Variants in PAAF1 observed in about 807,000 individuals in gnomAD.
PAAF1 encodes the protein proteasomal ATPase associated factor 1.
A neutral mutation model predicts 52.8 loss-of-function variants in PAAF1; 46 were observed. The observed-to-expected ratio is 0.87, with a 90% CI of 0.69 to 1.11. The LOEUF (loss-of-function observed/expected upper bound fraction) is 1.11. PAAF1 is among the 50% of genes most tolerant of loss of function. The pLI, the probability that PAAF1 is intolerant of heterozygous loss-of-function variation, is 0.00. For missense variants in PAAF1, 424 were observed against 477.4 expected (o/e 0.89, Z 1.04); for synonymous variants, 178 against 172.8 (o/e 1.03, Z -0.24).
intron 6 of PAAF1, among the ~76,000 whole-genome samples, chr11:73,908,750 C>T (rs1949846454): frequency 6.6e-6 from 1 of 151,476 alleles, no homozygotes; most frequent in African/African-American, 2.4e-5. Flanking sequence ...TTTTTTTCCT[C>T]CAAAGTTCTT....
At chr11:73,926,485 G>A (rs1179047038) in intron 11 of PAAF1, among the ~76,000 whole-genome samples, 2 of 152,162 alleles carry the variant, frequency 1.3e-5, no homozygotes, top group Admixed American at 6.5e-5. Flanking sequence ...GAGGGGGTGC[G>A]AATCACGAGG....
chr11:73,876,801 C>A (rs1225914324), upstream of PAAF1: 2 of 413,714 alleles, frequency 4.8e-6, no homozygotes, highest in Admixed American at 4.5e-5. Flanking sequence ...TCCTACGCGG[C>A]GGCTTGGGTT....
intron 3 of PAAF1, chr11:73,889,105 G>A (rs1331843516): frequency 2.7e-6 from 3 of 1,116,294 alleles, no homozygotes; most frequent in African/African-American, 3.1e-5. Context: ...TACCATGCAA[G>A]CCTACGTTTT....
chr11:73,916,551 C>G lies in PAAF1; in HGVS notation c.826C>G (p.Leu276Val). The G allele has an allele frequency of 1.2e-6, 2 of 1,610,404 alleles. No homozygotes were observed. Among genetic ancestry groups the G allele is most frequent in the South Asian group, 2.2e-5 (2 of 90,384 alleles). The change falls in exon 9 of 12, where the codon CTC becomes GTC. Residue 276 changes from leucine to valine, a missense_variant. Transcript: ENST00000310571. ...GCCTCCTACTTGTTCCCAGGTGTTC[C>G]TCTTTATTGGCTCAGACGCTTTCAA... ...LGLQSRQLVF[L>V]FIGSDAFNCC...
At chr11:73,890,987 A>G in intron 3 of PAAF1, 125 bp from the exon 4 acceptor site, 1 of 624,232 alleles carries the variant, frequency 1.6e-6, no homozygotes, top group Non-Finnish European at 2.8e-6. Context: ...GGGAAAGGAG[A>G]ACGAGAGAGG....
At position 73,917,534 on chromosome 11, in the gene PAAF1, G is replaced by T. The variant is rs546692960; in HGVS notation, c.935+874G>T. ...GATATTTATTGAAAATAGCTTCTGT[G>T]GGCATCAGGCTTGGTTCAAGGCACT... On this transcript the variant is annotated intron_variant, in intron 9 of 11. Transcript: ENST00000310571. 7.9e-5 allele frequency among the ~76,000 whole-genome samples: 12 copies of T among 152,208 alleles called. No individual in the cohort carries two copies. The East Asian group carries it at 2.1e-3, about 27-fold the overall frequency.
chr11:73,921,297 C>T (rs1047385368), intron 10 of PAAF1, among the ~76,000 whole-genome samples: 5 of 118,366 alleles, frequency 4.2e-5, no homozygotes, highest in Non-Finnish European at 1.7e-5. Context: ...GAGACTGCCT[C>T]GCAAAAAAAA....
chr11:73,900,195 C>T lies in PAAF1; in HGVS notation c.382-75C>T, dbSNP rs1428686098. On this transcript the variant is annotated intron_variant, in intron 5 of 11. Coordinates refer to ENST00000310571, the MANE Select transcript of PAAF1 (RefSeq NM_025155.3). ...GCATGTAGGTATTTCATATAAGGGACCAGAGTATGGGAGGTAAGAGAACAT... is the reference window on the plus strand; with the variant it reads ...GCATGTAGGTATTTCATATAAGGGATCAGAGTATGGGAGGTAAGAGAACAT... The T allele has an allele frequency of 3.4e-6, 5 of 1,465,108 alleles. No individual in the cohort carries two copies. The South Asian group carries it at 7.0e-5, about 21-fold the overall frequency. The allele number at this position is 1,465,108 out of a possible 1,614,324, so 90.8% of individuals were successfully genotyped here.
At position 73,900,843 on chromosome 11, in the gene PAAF1, G is replaced by A. The variant is rs549472973; in HGVS notation, c.532+423G>A. On this transcript the variant is annotated intron_variant, in intron 6 of 11. Coordinates refer to ENST00000310571, the MANE Select transcript of PAAF1 (RefSeq NM_025155.3). ...TAAAAATACAAAAAATTAGCCGGGC[G>A]TAGTGGCGGGCGCCTGTAGTCCCAG... is the stretch of plus-strand genomic sequence containing the variant. 1.3e-4 allele frequency among the ~76,000 whole-genome samples: 20 copies of A among 151,264 alleles called. No homozygotes were observed. In the South Asian group the frequency reaches 2.9e-3, roughly 22 times the overall value.
intron 1 of PAAF1, among the ~76,000 whole-genome samples, chr11:73,877,711 C>T (rs1267883087): frequency 6.6e-6 from 1 of 152,114 alleles, no homozygotes; most frequent in Non-Finnish European, 1.5e-5. Context: ...CATGGTGAAA[C>T]TCCGTCTCTA....
upstream of PAAF1, chr11:73,876,852 C>T: frequency 1.5e-6 from 1 of 649,130 alleles, no homozygotes; most frequent in Non-Finnish European, 2.4e-6. Flanking sequence ...CTTTCAGGAA[C>T]CAGCCCCTCG....
intron 7 of PAAF1, among the ~76,000 whole-genome samples, chr11:73,911,770 A>T (rs1348883465): frequency 6.6e-6 from 1 of 151,858 alleles, no homozygotes; most frequent in Non-Finnish European, 1.5e-5. Flanking sequence ...AGTAGCTGGG[A>T]TTACGGGTGC....
chr11:73,886,211 T>C (rs1949052612), intron 2 of PAAF1, among the ~76,000 whole-genome samples: 1 of 152,238 alleles, frequency 6.6e-6, no homozygotes, highest in Non-Finnish European at 1.5e-5. Flanking sequence ...CTATGTATTA[T>C]GTGTATATAC....
At chr11:73,894,230 C>G (rs1183672097) in intron 4 of PAAF1, among the ~76,000 whole-genome samples, 1 of 152,184 alleles carries the variant, frequency 6.6e-6, no homozygotes, top group Non-Finnish European at 1.5e-5. Flanking sequence ...ACAGGCTAGG[C>G]ACAGTGGCCC....
chr11:73,918,383 T>G (rs1950127764), intron 9 of PAAF1, among the ~76,000 whole-genome samples: 1 of 110,872 alleles, frequency 9.0e-6, no homozygotes, highest in Non-Finnish European at 1.8e-5. Context: ...TTTTTTTTTT[T>G]GCCTCCACAG....
intron 2 of PAAF1, among the ~76,000 whole-genome samples, chr11:73,885,594 C>A (rs944028508): frequency 1.3e-5 from 2 of 151,758 alleles, no homozygotes; most frequent in African/African-American, 4.8e-5. Context: ...GTAATCCCAG[C>A]ACTTCGGGAG....
intron 6 of PAAF1, among the ~76,000 whole-genome samples, chr11:73,907,715 C>G (rs1005417852): frequency 1.3e-5 from 2 of 152,142 alleles, no homozygotes; most frequent in African/African-American, 4.8e-5. Context: ...AGATGATCAC[C>G]TCCTGTTCAG....
chr11:73,920,775 C>T (rs1467784322), intron 10 of PAAF1, among the ~76,000 whole-genome samples: 2 of 151,342 alleles, frequency 1.3e-5, no homozygotes, highest in Non-Finnish European at 2.9e-5. Flanking sequence ...TCACTTGAAC[C>T]TGGGAGGTGG....
intron 7 of PAAF1, among the ~76,000 whole-genome samples, chr11:73,909,914 C>T (rs1949882213): frequency 6.6e-6 from 1 of 152,148 alleles, no homozygotes; most frequent in Non-Finnish European, 1.5e-5. Flanking sequence ...ACATAAAATA[C>T]ACAACATTGA....
Sources: allele counts gnomAD v4.1 joint callset (sites outside exome capture counted in the v4.1 genomes callset), GRCh38; gene constraint gnomAD v4.1.1; transcripts MANE v1.5; gene names NCBI Gene and HGNC (gene_info 2026-07-23, HGNC 2026-07-21).